The following PASD1 variants were observed in gnomAD, a reference collection of about 807,000 sequenced individuals.
PASD1 encodes the protein PAS domain containing repressor 1, also known as circadian clock protein PASD1.
A neutral mutation model predicts 58.8 loss-of-function variants in PASD1; 13 were observed. The ratio of observed to expected loss-of-function variants is 0.22; its 90% CI spans 0.14 to 0.35. The LOEUF is 0.35. PASD1 is among the 10% of genes least tolerant of loss of function. PASD1 has a pLI of 1.00. For synonymous variants in PASD1, 236 were observed against 216.7 expected (o/e 1.09, Z -0.78); for missense variants, 734 against 568.3 (o/e 1.29, Z -2.96).
At chrX:151,644,987 G>A (rs2014042223) in intron 8 of PASD1, among the ~76,000 whole-genome samples, 1 of 110,871 alleles carries the variant, frequency 9.0e-6, no homozygotes, top group Non-Finnish European at 1.9e-5. Flanking sequence ...TTCAGGAGAG[G>A]TGGGCTTTGG....
intron 9 of PASD1, among the ~76,000 whole-genome samples, chrX:151,653,383 G>T (rs776473018): frequency 1.8e-5 from 2 of 109,062 alleles, no homozygotes; most frequent in East Asian, 5.8e-4. Flanking sequence ...GTAGAGACGG[G>T]GTTTCACCGT....
At chrX:151,645,610 T>C (rs2014050806) in intron 8 of PASD1, 1 of 112,059 alleles carries the variant, frequency 8.9e-6, no homozygotes, top group African/African-American at 3.2e-5. Flanking sequence ...TACTTTTCTT[T>C]GTAGAATTAG....
intron 1 of PASD1, among the ~76,000 whole-genome samples, chrX:151,593,183 T>G (rs2013272129): frequency 9.0e-6 from 1 of 111,109 alleles, no homozygotes; most frequent in Non-Finnish European, 1.9e-5. Flanking sequence ...TAGGGCTGAG[T>G]GGTATATATG....
intron 1 of PASD1, among the ~76,000 whole-genome samples, chrX:151,564,381 G>A (rs779711011): frequency 9.0e-6 from 1 of 111,677 alleles, no homozygotes; most frequent in Non-Finnish European, 1.9e-5. Context: ...AGAATTTTCA[G>A]GGCAGTAGCG....
At chrX:151,658,043 C>T (rs1483280256) in intron 9 of PASD1, among the ~76,000 whole-genome samples, 2 of 111,107 alleles carry the variant, frequency 1.8e-5, no homozygotes, top group East Asian at 5.7e-4. Flanking sequence ...TTCTTGAATG[C>T]CCTCTTCCCC....
chrX:151,592,652 T>C (rs771663888), intron 1 of PASD1, among the ~76,000 whole-genome samples: 2 of 112,080 alleles, frequency 1.8e-5, no homozygotes, highest in South Asian at 7.5e-4. Context: ...TTTAGAAGTA[T>C]GACATTTAAC....
chrX:151,591,489 T>G (rs766029556), intron 1 of PASD1, among the ~76,000 whole-genome samples: 6 of 112,190 alleles, frequency 5.3e-5, no homozygotes, highest in Non-Finnish European at 9.4e-5. Flanking sequence ...TATTTCCCAT[T>G]GATTTTGGAA....
chrX:151,570,032 T>A (rs1013471529), intron 1 of PASD1, among the ~76,000 whole-genome samples: 2 of 111,649 alleles, frequency 1.8e-5, no homozygotes, highest in Non-Finnish European at 3.8e-5. Flanking sequence ...TAGCCCTTTT[T>A]AAAAAATTAT....
intron 11 of PASD1, among the ~76,000 whole-genome samples, chrX:151,667,981 A>T (rs892744666): frequency 9.0e-6 from 1 of 111,471 alleles, no homozygotes. Context: ...CAGTGTGGCC[A>T]TTTTCACGAT....
chrX:151,638,438 T>TTA (rs757495386), intron 8 of PASD1, among the ~76,000 whole-genome samples: 126 of 90,730 alleles, frequency 1.4e-3, no homozygotes, highest in African/African-American at 4.9e-3. Context: ...GAACTTAAAG[T>TTA]AAAAAAAAAA....
intron 8 of PASD1, among the ~76,000 whole-genome samples, chrX:151,631,922 T>C (rs2013874172): frequency 8.9e-6 from 1 of 112,019 alleles, no homozygotes; most frequent in African/African-American, 3.2e-5. Flanking sequence ...CCTAGTCTTA[T>C]CACTTTAGTC....
chrX:151,652,243 C>A (rs1194824861), intron 9 of PASD1, among the ~76,000 whole-genome samples: 1 of 111,401 alleles, frequency 9.0e-6, no homozygotes, highest in Non-Finnish European at 1.9e-5. Context: ...TAGAAGGTGA[C>A]AAGACTTAGG....
chrX:151,564,155 G>A (rs979754356), intron 1 of PASD1, among the ~76,000 whole-genome samples: 2 of 113,187 alleles, frequency 1.8e-5, no homozygotes, highest in African/African-American at 6.4e-5. Flanking sequence ...TCGAGAAATT[G>A]AAGCAGAGTT....
rs192831256 is a variant in PASD1, at chrX:151,657,647, A to G, written c.718-2066A>G. ...TCTACATTTTCTAGTTTATTTGTGT[A>G]GAGGTGTTTATAGTATTCTCTGATG... On this transcript the variant is annotated intron_variant, in intron 9 of 15. Coordinates refer to ENST00000370357, the MANE Select transcript of PASD1 (RefSeq NM_173493.3). 1.3e-3 allele frequency among the ~76,000 whole-genome samples: 141 copies of G among 111,593 alleles called. 1 individual carries two copies. Among genetic ancestry groups the G allele is most frequent in the African/African-American group, 4.2e-3 (129 of 30,764 alleles).
At chrX:151,611,934 T>C (rs1173876896) in intron 4 of PASD1, among the ~76,000 whole-genome samples, 181 bp downstream of exon 4, 5 of 106,611 alleles carry the variant, frequency 4.7e-5, no homozygotes, top group Non-Finnish European at 7.8e-5. Flanking sequence ...CTTCATTTAA[T>C]ATTAGGTGTA....
intron 6 of PASD1, 146 bp from the exon 7 acceptor site, chrX:151,622,791 A>C (rs2013732025): frequency 3.6e-6 from 2 of 561,245 alleles, no homozygotes; most frequent in South Asian, 9.5e-5. Flanking sequence ...GTGGCTGAAA[A>C]GGAAAGAAGA....
At chrX:151,625,121 G>A (rs1360802310) in intron 7 of PASD1, among the ~76,000 whole-genome samples, 1 of 111,855 alleles carries the variant, frequency 8.9e-6, no homozygotes, top group East Asian at 2.8e-4. Context: ...TGGACATTTT[G>A]GAGAAAAAAA....
intron 8 of PASD1, among the ~76,000 whole-genome samples, chrX:151,634,709 C>T (rs1229911033): frequency 9.0e-6 from 1 of 111,424 alleles, no homozygotes; most frequent in Admixed American, 9.6e-5. Context: ...ATCAGGAATA[C>T]CACAGAAGCA....
intron 4 of PASD1, among the ~76,000 whole-genome samples, chrX:151,617,918 C>G (rs1438674315): frequency 1.8e-5 from 2 of 112,076 alleles, no homozygotes; most frequent in Non-Finnish European, 3.8e-5. Flanking sequence ...ATACCTAGAA[C>G]AGTGACTGGC....
Sources: gnomAD v4.1 joint callset for allele counts (sites outside exome capture counted in the v4.1 genomes callset) on GRCh38, gnomAD v4.1.1 for gene constraint, MANE v1.5 for transcripts, NCBI Gene and HGNC (gene_info 2026-07-23, HGNC 2026-07-21) for gene names.